The following KCTD2 variants were observed in gnomAD, a reference collection of about 807,000 sequenced individuals.
The protein encoded by KCTD2 is BTB/POZ domain-containing protein KCTD2.
A neutral mutation model predicts 27.9 loss-of-function variants in KCTD2; 18 were observed. The ratio of observed to expected loss-of-function variants is 0.64; its 90% CI spans 0.45 to 0.96. KCTD2 has a LOEUF of 0.96. Among genes scored for constraint, KCTD2 ranks in the 40% least tolerant of loss-of-function variants. KCTD2 has a pLI of 0.00. For synonymous variants in KCTD2, 175 were observed against 148.4 expected, an observed-to-expected ratio of 1.18 and a Z score of -1.30; for missense variants, 280 against 348.0, an observed-to-expected ratio of 0.80 and a Z score of 1.56.
At chr17:75,049,187 G>C in intron 1 of KCTD2, 33 bp from the exon 2 acceptor site, 1 of 1,319,512 alleles carries the variant, frequency 7.6e-7, no homozygotes, top group Non-Finnish European at 1.1e-6. Flanking sequence ...CTCCTCAAAG[G>C]TCCACAATGA....
At chr17:75,041,133 T>G (rs1319682793) in intron 3 of KCTD2, 1 of 150,728 alleles carries the variant, frequency 6.6e-6, no homozygotes, top group Non-Finnish European at 1.5e-5. Context: ...CCAAGGAGGG[T>G]GGATCACCTG....
intron 4 of KCTD2, among the ~76,000 whole-genome samples, chr17:75,061,706 G>A (rs1006280943): frequency 5.3e-5 from 8 of 152,178 alleles, no homozygotes; most frequent in Non-Finnish European, 1.0e-4. Flanking sequence ...GATTGGCTCG[G>A]TGCTTTCCAG....
chr17:75,052,399 A>G (rs2073297272), intron 2 of KCTD2, among the ~76,000 whole-genome samples: 2 of 152,350 alleles, frequency 1.3e-5, no homozygotes, highest in East Asian at 1.9e-4. Flanking sequence ...CAGCCTGGCC[A>G]ACATGGCAAA....
At chr17:75,051,473 C>T (rs1274656042) in intron 2 of KCTD2, among the ~76,000 whole-genome samples, 4 of 151,078 alleles carry the variant, frequency 2.6e-5, no homozygotes, top group Non-Finnish European at 5.9e-5. Flanking sequence ...TTGGTAGAGA[C>T]GGGGGTTTCA....
intron 5 of KCTD2, among the ~76,000 whole-genome samples, chr17:75,062,699 A>ACCACACACACACACACACACAC (rs1555642380): frequency 8.6e-6 from 1 of 115,990 alleles, no homozygotes; most frequent in African/African-American, 3.1e-5. Context: ...CCTCACCCCC[A>ACCACACACACACACACACACAC]ACACACACAC....
chr17:75,050,196 C>T (rs988605116), intron 2 of KCTD2, among the ~76,000 whole-genome samples: 7 of 152,158 alleles, frequency 4.6e-5, no homozygotes, highest in African/African-American at 1.4e-4. Context: ...ATTACCAACT[C>T]ATGGGTGATC....
chr17:75,047,564 AG>A lies in KCTD2; in HGVS notation c.316del (p.Asp106ThrfsTer15). The A allele has an allele frequency of 6.2e-7, 1 of 1,610,110 alleles. No homozygotes were observed. The highest frequency in any genetic ancestry group is 8.5e-7 in the Non-Finnish European group (1 of 1,178,654). On this transcript the variant is annotated frameshift_variant, in exon 1 of 6. Transcript: ENST00000322444. LOFTEE classifies it high-confidence loss of function. ...TTTCTCTGCCGCCTCTGCTGCCAGG[AG>A]GACCCGGAGCTGGACTCAGACAAGG... ...KSFLCRLCCQ[E>X]DPELDSDKDE...
upstream of KCTD2, among the ~76,000 whole-genome samples, chr17:75,043,620 A>C (rs2073182770): frequency 6.6e-6 from 1 of 151,870 alleles, no homozygotes; most frequent in South Asian, 2.1e-4. Flanking sequence ...TCAAAAAAAA[A>C]AAAAAAAACA....
At chr17:75,056,915 C>A (rs1312511598) in intron 3 of KCTD2, among the ~76,000 whole-genome samples, 2 of 151,056 alleles carry the variant, frequency 1.3e-5, no homozygotes, top group Admixed American at 1.3e-4. Flanking sequence ...TGGCTGCCAC[C>A]TAACTACTTT....
At chr17:75,045,927 G>A (rs1294347422), upstream of KCTD2, among the ~76,000 whole-genome samples, 1 of 152,176 alleles carries the variant, frequency 6.6e-6, no homozygotes, top group African/African-American at 2.4e-5. Flanking sequence ...AGTAAAGACA[G>A]GCATAAGAAA....
At chr17:75,032,609 G>A (rs148813887), upstream of KCTD2, 152 of 153,316 alleles carry the variant, frequency 9.9e-4, 2 homozygotes, top group East Asian at 0.028. The surrounding 1 kb of genome is among the most constrained non-coding windows in gnomAD (Gnocchi z 4.8). Context: ...GGTGCCCAGT[G>A]GTGATGCCCA....
upstream of KCTD2, among the ~76,000 whole-genome samples, chr17:75,045,908 A>G (rs2073210491): frequency 1.3e-5 from 2 of 152,230 alleles, no homozygotes; most frequent in Admixed American, 1.3e-4. Context: ...ATTTATGTTT[A>G]GAGATTGCAG....
intron 3 of KCTD2, chr17:75,040,358 G>A: frequency 1.6e-6 from 1 of 620,746 alleles, no homozygotes; most frequent in Non-Finnish European, 2.9e-6. Flanking sequence ...TATTAGACTG[G>A]GAACAGGAGC....
chr17:75,060,332 T>TACATCACTAA (rs2073391171), intron 4 of KCTD2, among the ~76,000 whole-genome samples: 1 of 152,148 alleles, frequency 6.6e-6, no homozygotes, highest in Non-Finnish European at 1.5e-5. Context: ...TCCCACAAGC[T>TACATCACTAA]GTGGTGTCCA....
chr17:75,036,443 T>A (rs1310877499), intron 3 of KCTD2, among the ~76,000 whole-genome samples: 1 of 152,168 alleles, frequency 6.6e-6, no homozygotes, highest in Non-Finnish European at 1.5e-5. Context: ...TAATGTAAAA[T>A]TAATGCATGT....
upstream of KCTD2, among the ~76,000 whole-genome samples, chr17:75,046,713 G>A (rs1302871899): frequency 6.6e-6 from 1 of 152,240 alleles, no homozygotes; most frequent in Non-Finnish European, 1.5e-5. Context: ...CTGGGACACA[G>A]CCGGGCCCCC....
chr17:75,044,448 A>G (rs1178713030), upstream of KCTD2, among the ~76,000 whole-genome samples: 8 of 105,880 alleles, frequency 7.6e-5, 3 homozygotes, highest in African/African-American at 1.6e-4. Flanking sequence ...CTCATGATCC[A>G]CCCGCCTCGG....
At chr17:75,043,425 A>G (rs1050429122), upstream of KCTD2, among the ~76,000 whole-genome samples, 313 of 152,326 alleles carry the variant, frequency 2.1e-3, no homozygotes, top group African/African-American at 7.3e-3. Flanking sequence ...CAGCCTGAGC[A>G]ATAGGGTGAA....
intron 3 of KCTD2, among the ~76,000 whole-genome samples, chr17:75,038,152 G>A (rs571676784): frequency 9.9e-5 from 15 of 151,756 alleles, no homozygotes; most frequent in East Asian, 7.8e-4. Context: ...GCAAAGTCTC[G>A]CTCTGTCACT....
Sources: gnomAD v4.1 joint callset for allele counts (sites outside exome capture counted in the v4.1 genomes callset) on GRCh38, gnomAD v4.1.1 for gene constraint, Gnocchi (gnomAD v3.1) non-coding constraint, MANE v1.5 for transcripts, NCBI Gene and HGNC (gene_info 2026-07-23, HGNC 2026-07-21) for gene names.